Variants in CEP44 observed in about 807,000 individuals in gnomAD.
CEP44 encodes centrosomal protein 44.
In CEP44, 45 loss-of-function variants were observed where a neutral mutation model predicts 46.7. The ratio of observed to expected loss-of-function variants is 0.96; its 90% CI spans 0.76 to 1.24. The LOEUF (loss-of-function observed/expected upper bound fraction) is 1.24, where lower values mean the gene tolerates loss of function less well. Ranked by LOEUF, CEP44 falls within the 50% of genes most tolerant of loss-of-function variation. The pLI, the probability that CEP44 is intolerant of heterozygous loss-of-function variation, is 0.00. For missense variants in CEP44, 475 were observed against 459.7 expected (o/e 1.03, Z -0.30); for synonymous variants, 142 against 146.0 (o/e 0.97, Z 0.20).
Position 174,296,690 on chromosome 4 carries a change from ATTG to A in CEP44, c.-147-1270_-147-1268del, listed in dbSNP as rs1175349816. On this transcript the variant is annotated intron_variant, in intron 1 of 11. Transcript: ENST00000503780. Reference sequence around the variant, plus strand: ...TGAAATTGAGAAGAATATGTATTCTATTGTTGTTTGATGAAGTAGTCTATAAAT... The same window carrying A: ...TGAAATTGAGAAGAATATGTATTCTATTGTTTGATGAAGTAGTCTATAAAT... 2.0e-5 allele frequency among the ~76,000 whole-genome samples: 3 copies of A among 146,904 alleles called. No homozygotes were observed. In the East Asian group the frequency reaches 6.0e-4, roughly 29 times the overall value.
rs369609261 is a variant in CEP44 at position 174,299,795 on chromosome 4, C to A, written c.89+585C>A. Among the ~76,000 whole-genome samples, 8 of 152,300 alleles carry A rather than the reference C, an allele frequency of 5.3e-5. No homozygotes were observed. In the East Asian group the frequency reaches 9.6e-4, roughly 18 times the overall value. On this transcript the variant is annotated intron_variant, in intron 3 of 11. Coordinates refer to ENST00000503780, the MANE Select transcript of CEP44 (RefSeq NM_001040157.3). Reference sequence around the variant, plus strand: ...TTTCACTTTAGCTCCCATTTTGCAACTATGACAACGTTTTTAGAATATGGC... The same window carrying A: ...TTTCACTTTAGCTCCCATTTTGCAAATATGACAACGTTTTTAGAATATGGC...
intron 9 of CEP44, among the ~76,000 whole-genome samples, chr4:174,313,414 AGT>A (rs1741319544): frequency 1.3e-5 from 2 of 149,702 alleles, no homozygotes; most frequent in African/African-American, 4.9e-5. Flanking sequence ...ACCACAGAAG[AGT>A]GTGGTTTGTT....
chr4:174,311,025 C>T lies in CEP44; in HGVS notation c.961+167C>T, dbSNP rs1336421097. 6.6e-6 allele frequency among the ~76,000 whole-genome samples: 1 copy of T among 151,906 alleles called. No individual in the cohort carries two copies. Among genetic ancestry groups the T allele is most frequent in the African/African-American group, 2.4e-5 (1 of 41,406 alleles). On this transcript the variant is annotated intron_variant, in intron 9 of 11. Transcript: ENST00000503780. This position sits in a 1 kb window ranked among gnomAD's most constrained non-coding sequence, Gnocchi z 4.4. ...TAAAGCCAAGAATTGCTTAACTAAC[C>T]AGCCTACTTATTTCACATAACATAG...
At chr4:174,321,565 T>C (rs1042726711), downstream of CEP44, among the ~76,000 whole-genome samples, 1 of 152,186 alleles carries the variant, frequency 6.6e-6, no homozygotes, top group Non-Finnish European at 1.5e-5. Flanking sequence ...TCTGTGTTTA[T>C]GTTGAAAAAT....
chr4:174,296,984 A>G (rs1739106543), intron 1 of CEP44, among the ~76,000 whole-genome samples: 1 of 152,008 alleles, frequency 6.6e-6, no homozygotes, highest in Non-Finnish European at 1.5e-5. Context: ...CTATGTCCCT[A>G]ATAACTTTCC....
rs1333736515 is a variant in CEP44 at position 174,297,647 on chromosome 4, T to G, written c.-147-319T>G. Reference sequence around the variant, plus strand: ...GAGGCTGAGATATAGGAAGAAACTTTATTAGTGTGTGTGTGTGTGTGTGTG... The same window carrying G: ...GAGGCTGAGATATAGGAAGAAACTTGATTAGTGTGTGTGTGTGTGTGTGTG... On this transcript the variant is annotated intron_variant, in intron 1 of 11. Transcript: ENST00000503780. The surrounding 1 kb of genome is among the most constrained non-coding windows in gnomAD (Gnocchi z 4.3). Among the ~76,000 whole-genome samples the G allele has an allele frequency of 8.3e-6, 1 of 120,030 alleles. No individual in the cohort carries two copies. The highest frequency in any genetic ancestry group is 1.8e-5 in the Non-Finnish European group (1 of 54,964). The allele number at this position is 120,030 out of a possible 152,430, so 78.7% of individuals were successfully genotyped here.
chr4:174,302,275 G>C (rs1739817673), intron 4 of CEP44, 89 bp downstream of exon 4: 1 of 767,392 alleles, frequency 1.3e-6, no homozygotes, highest in Non-Finnish European at 2.1e-6. Flanking sequence ...AATATATGCA[G>C]CATATACAAT....
rs2126709428 is a variant in CEP44, at chr4:174,331,309, A to G, written c.1087-173A>G. ...TAACAACATATTTCTAAATAATATG[A>G]TTGTCATTTCTCTTTGTTTGCTTGG... On this transcript the variant is annotated intron_variant, in intron 8 of 8. Transcript: ENST00000426172. This position sits in a 1 kb window ranked among gnomAD's most constrained non-coding sequence, Gnocchi z 4.5. Among the ~76,000 whole-genome samples the G allele has an allele frequency of 6.6e-6, 1 of 151,594 alleles. No homozygotes were observed. Among genetic ancestry groups the G allele is most frequent in the African/African-American group, 2.4e-5 (1 of 41,386 alleles).
In CEP44 at chr4:174,290,901, C is replaced by T. The variant is rs111628673; in HGVS notation, c.-148+6958C>T. Among the ~76,000 whole-genome samples, 97 of 152,110 alleles carry T rather than the reference C, an allele frequency of 6.4e-4. No homozygotes were observed. Among genetic ancestry groups the T allele is most frequent in the African/African-American group, 2.3e-3 (97 of 41,512 alleles). ...TGACCCTTTTACTATTATATAATGC[C>T]TTCTTTGTCTCTTTTGACAGTTGTC... On this transcript the variant is annotated intron_variant, in intron 1 of 11. Transcript: ENST00000503780. The surrounding 1 kb of genome is among the most constrained non-coding windows in gnomAD (Gnocchi z 4.3).
chr4:174,323,579 T>C (rs1054106191), downstream of CEP44, among the ~76,000 whole-genome samples: 2 of 152,052 alleles, frequency 1.3e-5, no homozygotes, highest in South Asian at 2.1e-4. Flanking sequence ...TTCTCCTCCT[T>C]GAAGTTGGGG....
chr4:174,306,616 G>GAT (rs1480970323), intron 6 of CEP44, among the ~76,000 whole-genome samples: 1 of 151,756 alleles, frequency 6.6e-6, no homozygotes, highest in Admixed American at 6.6e-5. Context: ...GTAATATTTT[G>GAT]ATATATATAT....
chr4:174,291,446 G>T (rs1738186562), intron 1 of CEP44, among the ~76,000 whole-genome samples: 1 of 151,954 alleles, frequency 6.6e-6, no homozygotes, highest in Non-Finnish European at 1.5e-5. Flanking sequence ...ATTGATTTCA[G>T]ATTTTACTTC....
chr4:174,293,157 G>A (rs778168800), intron 1 of CEP44, among the ~76,000 whole-genome samples: 47 of 152,076 alleles, frequency 3.1e-4, no homozygotes, highest in Non-Finnish European at 6.3e-4. Flanking sequence ...CTGGGGCTTG[G>A]GTGGGTGTGG....
chr4:174,329,667 C>CT lies in CEP44; in HGVS notation c.1087-1805dup, dbSNP rs149715347. Among the ~76,000 whole-genome samples, 20 of 149,846 alleles carry CT rather than the reference C, an allele frequency of 1.3e-4. No homozygotes were observed. The highest frequency in any genetic ancestry group is 2.0e-4 in the African/African-American group (8 of 40,720). ...GAAAAGTTCAAAAGGTACTTCATAA[C>CT]TTTTTTTTTTAGGTTTAGAGAAAGG... On this transcript the variant is annotated intron_variant, in intron 8 of 8. Transcript: ENST00000426172. This position sits in a 1 kb window ranked among gnomAD's most constrained non-coding sequence, Gnocchi z 4.0.
intron 8 of CEP44, among the ~76,000 whole-genome samples, chr4:174,328,560 G>T (rs962011648): frequency 1.3e-5 from 2 of 152,198 alleles, no homozygotes; most frequent in Non-Finnish European, 2.9e-5. Context: ...GGAAGCTTCA[G>T]TCAAAGCCAG....
chr4:174,314,232 A>G lies in CEP44; in HGVS notation c.962-1934A>G, dbSNP rs1402493399. Among the ~76,000 whole-genome samples, 1 of 152,168 alleles carries G rather than the reference A, an allele frequency of 6.6e-6. No individual in the cohort carries two copies. The highest frequency in any genetic ancestry group is 1.5e-5 in the Non-Finnish European group (1 of 68,014). ...CAACTGGTGTCAGGGTCCTTGTGTC[A>G]GTGGCCATTGCCTTTCCCCTTTCCT... On this transcript the variant is annotated intron_variant, in intron 9 of 11. Coordinates refer to ENST00000503780, the MANE Select transcript of CEP44 (RefSeq NM_001040157.3). This position sits in a 1 kb window ranked among gnomAD's most constrained non-coding sequence, Gnocchi z 4.1.
At position 174,309,868 on chromosome 4, in the gene CEP44, G is replaced by A. The variant is rs1322022475; in HGVS notation, c.697G>A (p.Glu233Lys). The A allele has an allele frequency of 2.5e-6, 4 of 1,605,506 alleles. No homozygotes were observed. The highest frequency in any genetic ancestry group is 3.4e-6 in the Non-Finnish European group (4 of 1,173,508). The change falls in exon 8 of 12, where the codon GAG becomes AAG. Residue 233 changes from glutamate (E) to lysine (K), a missense_variant. Physicochemically the swap from Glu to Lys is moderately conservative, Grantham distance 56. Transcript: ENST00000503780. The surrounding 1 kb of genome is among the most constrained non-coding windows in gnomAD (Gnocchi z 5.3). ...AEQQDVNVNP[E>K]ITALQTMLAE... ...TTTTTAGGATGTAAATGTTAATCCT[G>A]AGATTACTGCACTACAAACTATGCT...
Position 174,319,245 on chromosome 4 carries a change from A to C in CEP44, c.*1862A>C, listed in dbSNP as rs1204491203. 1.0e-6 allele frequency: 1 copy of C among 970,450 alleles called. No individual in the cohort carries two copies. 60.1% of individuals were successfully genotyped at this position (970,450 alleles called of 1,614,324 possible). A position where few individuals can be genotyped will look rare whatever the true frequency, so the allele number is the denominator to read the frequency against. On this transcript the variant is annotated 3_prime_UTR_variant, in exon 12 of 12. Coordinates refer to ENST00000503780, the MANE Select transcript of CEP44 (RefSeq NM_001040157.3). ...GAAGCATGTTAGCTTTAATTTTTTC[A>C]ATTGTGAGAGAAGTACATTTATAAA...
Position 174,310,734 on chromosome 4 carries a change from A to T in CEP44, c.886-49A>T, listed in dbSNP as rs1048161368. ...CTCAGCATTAAGAATATAAAATGAG[A>T]GGGTTTTTCTTTTTATTTCATTCTA... On this transcript the variant is annotated intron_variant, in intron 8 of 11. Transcript: ENST00000503780. This position sits in a 1 kb window ranked among gnomAD's most constrained non-coding sequence, Gnocchi z 4.2. 6 of 842,584 alleles carry T rather than the reference A, an allele frequency of 7.1e-6. No individual in the cohort carries two copies. The highest frequency in any genetic ancestry group is 6.9e-5 in the African/African-American group (4 of 57,972). The allele number at this position is 842,584 out of a possible 1,614,324, so 52.2% of individuals were successfully genotyped here.
Sources: allele counts gnomAD v4.1 joint callset (sites outside exome capture counted in the v4.1 genomes callset), GRCh38; gene constraint gnomAD v4.1.1; non-coding constraint Gnocchi (gnomAD v3.1); transcripts MANE v1.5; gene names NCBI Gene and HGNC (gene_info 2026-07-23, HGNC 2026-07-21).